Variants in MAGI3 observed in about 807,000 individuals in gnomAD.
MAGI3 encodes membrane associated guanylate kinase, WW and PDZ domain containing 3.
A neutral mutation model predicts 121.8 loss-of-function variants in MAGI3; 43 were observed. The observed-to-expected ratio is 0.35, with a 90% confidence interval of 0.28 to 0.46. The LOEUF (loss-of-function observed/expected upper bound fraction) is 0.46, where lower values mean the gene tolerates loss of function less well. Ranked by LOEUF, MAGI3 falls within the 20% of genes least tolerant of loss-of-function variation. The pLI, the probability that MAGI3 is intolerant of heterozygous loss-of-function variation, is 1.00. For missense variants in MAGI3, 1,547 were observed against 1,797.3 expected (o/e 0.86, Z 2.52); for synonymous variants, 553 against 639.3 (o/e 0.86, Z 2.04).
chr1:113,640,931 A>G (rs1652423771), intron 9 of MAGI3, among the ~76,000 whole-genome samples: 1 of 63,450 alleles, frequency 1.6e-5, no homozygotes, highest in African/African-American at 8.0e-5. Flanking sequence ...TATTTTATAT[A>G]TCATATATAT....
chr1:113,471,991 T>A (rs980617280), intron 1 of MAGI3, among the ~76,000 whole-genome samples: 3 of 152,232 alleles, frequency 2.0e-5, no homozygotes, highest in Admixed American at 6.5e-5. Context: ...TGTTATATCC[T>A]TTTGATGAAT....
At chr1:113,605,204 C>T (rs1027449338) in intron 6 of MAGI3, among the ~76,000 whole-genome samples, 4 of 152,068 alleles carry the variant, frequency 2.6e-5, no homozygotes, top group African/African-American at 9.7e-5. Context: ...ATGATTATGA[C>T]AGCCTTTCTC....
At chr1:113,429,886 G>A (rs1413506189) in intron 1 of MAGI3, among the ~76,000 whole-genome samples, 2 of 152,116 alleles carry the variant, frequency 1.3e-5, no homozygotes, top group African/African-American at 4.8e-5. Flanking sequence ...CCTGCCTCCA[G>A]ACCCTATTCT....
At position 113,685,594 on chromosome 1, in the gene MAGI3, G is replaced by T. The variant is rs1648497329; in HGVS notation, c.*1580G>T. On this transcript the variant is annotated 3_prime_UTR_variant, in exon 21 of 21. Coordinates refer to ENST00000307546, the MANE Select transcript of MAGI3 (RefSeq NM_001142782.2). Reference sequence around the variant, plus strand: ...AACTATTCAAATAGAGCAAAATTAGGAGGCTTGATAAATACTAAGAATTTA... The same window carrying T: ...AACTATTCAAATAGAGCAAAATTAGTAGGCTTGATAAATACTAAGAATTTA... 1 of 152,288 alleles carries T rather than the reference G, an allele frequency of 6.6e-6. No individual in the cohort carries two copies. The highest frequency in any genetic ancestry group is 1.9e-4 in the East Asian group (1 of 5,334). The allele number at this position is 152,288 out of a possible 1,614,324, so 9.4% of individuals were successfully genotyped here.
intron 9 of MAGI3, among the ~76,000 whole-genome samples, chr1:113,637,305 A>G (rs1652101317): frequency 6.6e-6 from 1 of 152,122 alleles, no homozygotes; most frequent in Non-Finnish European, 1.5e-5. Flanking sequence ...TCGTTAGTTG[A>G]TGCAGTTTCT....
intron 1 of MAGI3, among the ~76,000 whole-genome samples, chr1:113,425,582 C>A (rs996993952): frequency 6.6e-6 from 1 of 151,988 alleles, no homozygotes; most frequent in Non-Finnish European, 1.5e-5. Flanking sequence ...CTGCACCCAG[C>A]CTACAAATTC....
At chr1:113,475,389 C>T (rs1416927209) in intron 1 of MAGI3, among the ~76,000 whole-genome samples, 1 of 152,104 alleles carries the variant, frequency 6.6e-6, no homozygotes, top group African/African-American at 2.4e-5. Flanking sequence ...ATAAATAGAT[C>T]TTATTATTTT....
At chr1:113,409,691 T>C (rs968776280) in intron 1 of MAGI3, among the ~76,000 whole-genome samples, 15 of 152,098 alleles carry the variant, frequency 9.9e-5, no homozygotes, top group African/African-American at 3.6e-4. Context: ...TGGTATTACT[T>C]TTCTGTGTCT....
chr1:113,651,399 A>T (rs998558225), intron 14 of MAGI3, among the ~76,000 whole-genome samples, 193 bp downstream of exon 14: 5 of 152,238 alleles, frequency 3.3e-5, no homozygotes, highest in Non-Finnish European at 7.3e-5. Context: ...CTATAAAAAA[A>T]TAAATTTTGG....
intron 1 of MAGI3, among the ~76,000 whole-genome samples, chr1:113,480,413 G>A (rs1656053693): frequency 6.6e-6 from 1 of 152,198 alleles, no homozygotes; most frequent in Non-Finnish European, 1.5e-5. Context: ...GTCCACAGGG[G>A]CAGGCCAGGA....
chr1:113,470,010 C>A (rs1009222729), intron 1 of MAGI3, among the ~76,000 whole-genome samples: 1 of 152,074 alleles, frequency 6.6e-6, no homozygotes, highest in Non-Finnish European at 1.5e-5. Flanking sequence ...TTACGTGATT[C>A]TTTTCAGTAG....
At chr1:113,399,904 A>G (rs1199330752) in intron 1 of MAGI3, among the ~76,000 whole-genome samples, 1 of 152,188 alleles carries the variant, frequency 6.6e-6, no homozygotes, top group African/African-American at 2.4e-5. Context: ...TTTTAAAACA[A>G]TGGTCTTTTT....
intron 9 of MAGI3, among the ~76,000 whole-genome samples, chr1:113,633,241 T>A (rs1651769917): frequency 1.5e-4 from 2 of 12,906 alleles, no homozygotes; most frequent in Admixed American, 5.8e-4. Context: ...ACTCATCATT[T>A]TTTTTTTTTT....
intron 1 of MAGI3, among the ~76,000 whole-genome samples, chr1:113,434,789 C>T (rs1487519307): frequency 6.6e-6 from 1 of 152,184 alleles, no homozygotes. Flanking sequence ...CTGAAGTAAA[C>T]AGAACAGATA....
intron 1 of MAGI3, among the ~76,000 whole-genome samples, chr1:113,405,752 C>G (rs894095296): frequency 1.3e-5 from 2 of 152,054 alleles, no homozygotes; most frequent in African/African-American, 4.8e-5. Flanking sequence ...TTGATTTGCT[C>G]CCTCTGCAGT....
intron 8 of MAGI3, 61 bp downstream of exon 8, chr1:113,619,891 A>G: frequency 8.2e-7 from 1 of 1,223,238 alleles, no homozygotes; most frequent in Non-Finnish European, 1.2e-6. Flanking sequence ...ATGCTGAGTT[A>G]ATAAAAGTGA....
At chr1:113,416,360 T>TA (rs2101360228) in intron 1 of MAGI3, among the ~76,000 whole-genome samples, 1 of 121,654 alleles carries the variant, frequency 8.2e-6, no homozygotes, top group Admixed American at 9.7e-5. Context: ...ATATATTAAT[T>TA]TATATTATAT....
chr1:113,676,965 A>G (rs915813910), intron 19 of MAGI3, among the ~76,000 whole-genome samples: 38 of 152,310 alleles, frequency 2.5e-4, no homozygotes, highest in Admixed American at 2.2e-3. Context: ...TTTATTTTTA[A>G]GATCAGTTCC....
At chr1:113,558,278 G>GCACA (rs1387539577) in intron 2 of MAGI3, among the ~76,000 whole-genome samples, 2 of 152,168 alleles carry the variant, frequency 1.3e-5, no homozygotes, top group Non-Finnish European at 2.9e-5. Flanking sequence ...AGCTAAAGGA[G>GCACA]CACATTGTAA....
Sources: gnomAD v4.1 joint callset for allele counts (sites outside exome capture counted in the v4.1 genomes callset) on GRCh38, gnomAD v4.1.1 for gene constraint, MANE v1.5 for transcripts, NCBI Gene and HGNC (gene_info 2026-07-23, HGNC 2026-07-21) for gene names.